GAREM1: variants seen among roughly 807,000 people sequenced by gnomAD.
The protein encoded by GAREM1 is GRB2-associated and regulator of MAPK protein 1.
Under a neutral mutation model 71.3 loss-of-function variants are expected in GAREM1, and 26 were observed. The ratio of observed to expected loss-of-function variants is 0.36; its 90% CI spans 0.27 to 0.51. The LOEUF is 0.51. GAREM1 is among the 20% of genes least tolerant of loss of function. GAREM1 has a pLI of 0.95. For missense variants in GAREM1, 1,026 were observed against 1,103.1 expected, an observed-to-expected ratio of 0.93 and a Z score of 0.99; for synonymous variants, 440 against 433.2, an observed-to-expected ratio of 1.02 and a Z score of -0.20.
At position 32,413,215 on chromosome 18, in the gene GAREM1, G is replaced by A. The variant is rs1031988503; in HGVS notation, c.122-20180C>T. 70 of 1,606,458 alleles carry A rather than the reference G, an allele frequency of 4.4e-5. No homozygotes were observed. In the African/African-American group the frequency reaches 4.6e-4, roughly 10 times the overall value. On this transcript the variant is annotated intron_variant, in intron 1 of 5. Coordinates refer to ENST00000269209, the MANE Select transcript of GAREM1 (RefSeq NM_001242409.2). The stretch of plus-strand genomic sequence containing the variant: ...AGAGAGACTTTAACGATGCTTCTTC[G>A]GCGGCGTCCACGGGCAGAAAGGCCA...
At chr18:32,468,090 C>T (rs547313923) in intron 1 of GAREM1, among the ~76,000 whole-genome samples, 108 of 152,174 alleles carry the variant, frequency 7.1e-4, no homozygotes, top group African/African-American at 2.4e-3. Context: ...TTGGTGTAAA[C>T]GAGGATTTCC....
chr18:32,327,883 A>G (rs558570479), intron 2 of GAREM1, among the ~76,000 whole-genome samples: 30 of 152,260 alleles, frequency 2.0e-4, no homozygotes, highest in African/African-American at 7.0e-4. Flanking sequence ...GGATGTTGAT[A>G]CCTACTTCAT....
chr18:32,306,343 T>C (rs761048543), intron 3 of GAREM1, among the ~76,000 whole-genome samples: 1 of 152,184 alleles, frequency 6.6e-6, no homozygotes, highest in Non-Finnish European at 1.5e-5. Context: ...CTCAGAGCTC[T>C]TCTCCTTTTA....
chr18:32,326,911 C>T (rs2047479874), intron 2 of GAREM1, among the ~76,000 whole-genome samples: 1 of 152,180 alleles, frequency 6.6e-6, no homozygotes, highest in Non-Finnish European at 1.5e-5. Context: ...GTTATGTAAA[C>T]AGGGCTGCTT....
rs2048573906 is a variant in GAREM1, at chr18:32,426,228, C to T, written c.122-33193G>A. ...AGAGATGGGGTTTCACCGTGTTAGC[C>T]CAGGATAGTCTCGGTCTCCTGACCT... is the stretch of plus-strand genomic sequence containing the variant. On this transcript the variant is annotated intron_variant, in intron 1 of 5. Coordinates refer to ENST00000269209, the MANE Select transcript of GAREM1 (RefSeq NM_001242409.2). 2.0e-5 allele frequency among the ~76,000 whole-genome samples: 3 copies of T among 151,976 alleles called. No homozygotes were observed. In the South Asian group the frequency reaches 6.3e-4, roughly 32 times the overall value.
At chr18:32,404,875 C>T (rs1002454965) in intron 1 of GAREM1, among the ~76,000 whole-genome samples, 2 of 152,150 alleles carry the variant, frequency 1.3e-5, no homozygotes, top group Non-Finnish European at 2.9e-5. Context: ...TAATAAGAAT[C>T]AGATTGGCTG....
In GAREM1 at chr18:32,426,131, G is replaced by A. The variant is rs562507457; in HGVS notation, c.122-33096C>T. On this transcript the variant is annotated intron_variant, in intron 1 of 5. Coordinates refer to ENST00000269209, the MANE Select transcript of GAREM1 (RefSeq NM_001242409.2). The stretch of plus-strand genomic sequence containing the variant: ...CCTCCCAGGTTCGAGCAATTCTCCC[G>A]CCTCAGCCTCCCGAGTAGCTGGGAT... Among the ~76,000 whole-genome samples the A allele has an allele frequency of 2.4e-4, 37 of 152,146 alleles. No homozygotes were observed. In the East Asian group the frequency reaches 6.0e-3, roughly 25 times the overall value.
chr18:32,297,703 A>G (rs2144493146), intron 3 of GAREM1, among the ~76,000 whole-genome samples: 1 of 152,342 alleles, frequency 6.6e-6, no homozygotes, highest in East Asian at 1.9e-4. Context: ...AAAGGATGTG[A>G]ACATATGGAA....
At chr18:32,300,431 T>G (rs1334089126) in intron 3 of GAREM1, among the ~76,000 whole-genome samples, 1 of 152,222 alleles carries the variant, frequency 6.6e-6, no homozygotes, top group Non-Finnish European at 1.5e-5. Flanking sequence ...ACTACTAGCT[T>G]GTATTATTTT....
At chr18:32,424,410 TATG>T (rs1305911174) in intron 1 of GAREM1, among the ~76,000 whole-genome samples, 1 of 152,226 alleles carries the variant, frequency 6.6e-6, no homozygotes, top group Admixed American at 6.5e-5. Context: ...CATAGTTACT[TATG>T]ATGATAAAGT....
intron 3 of GAREM1, among the ~76,000 whole-genome samples, chr18:32,302,546 C>T (rs1055737807): frequency 2.0e-5 from 3 of 152,116 alleles, no homozygotes; most frequent in African/African-American, 4.8e-5. Flanking sequence ...GGAGGAAAAT[C>T]GTGTTATCTG....
chr18:32,464,198 G>A (rs537759871), intron 1 of GAREM1, among the ~76,000 whole-genome samples: 18 of 152,020 alleles, frequency 1.2e-4, no homozygotes, highest in Non-Finnish European at 2.2e-4. Flanking sequence ...GGCTGAAGCA[G>A]GAGAATTGCT....
At chr18:32,345,419 A>G (rs1555636469) in intron 2 of GAREM1, among the ~76,000 whole-genome samples, 1 of 152,206 alleles carries the variant, frequency 6.6e-6, no homozygotes, top group Non-Finnish European at 1.5e-5. Flanking sequence ...TGACAGAAAC[A>G]TCATTCAATG....
chr18:32,305,615 G>A (rs1191391560), intron 3 of GAREM1, among the ~76,000 whole-genome samples: 1 of 152,150 alleles, frequency 6.6e-6, no homozygotes, highest in African/African-American at 2.4e-5. Flanking sequence ...TGCCTCCCAA[G>A]TTCAAGTAAT....
intron 4 of GAREM1, among the ~76,000 whole-genome samples, chr18:32,272,326 ATT>A (rs2041474414): frequency 6.6e-6 from 1 of 152,154 alleles, no homozygotes; most frequent in African/African-American, 2.4e-5. Context: ...TATCAACTGC[ATT>A]TCTTCCCGGG....
At chr18:32,464,655 C>T (rs565969589) in intron 1 of GAREM1, among the ~76,000 whole-genome samples, 1 of 152,314 alleles carries the variant, frequency 6.6e-6, no homozygotes, top group East Asian at 1.9e-4. Context: ...CAAAACGAAA[C>T]ACACTCAAGT....
intron 2 of GAREM1, among the ~76,000 whole-genome samples, chr18:32,327,071 A>C (rs2047481431): frequency 6.6e-6 from 1 of 152,242 alleles, no homozygotes; most frequent in Non-Finnish European, 1.5e-5. Flanking sequence ...AACAGGAATC[A>C]CTGGGAGAAA....
intron 1 of GAREM1, among the ~76,000 whole-genome samples, chr18:32,448,914 C>T (rs1380085): frequency 0.39 from 59,050 of 151,934 alleles, 14,369 homozygotes; most frequent in African/African-American, 0.69. Context: ...ATTTCAATAG[C>T]GGGATCAGAC....
intron 2 of GAREM1, among the ~76,000 whole-genome samples, chr18:32,321,013 A>G (rs1049947541): frequency 1.3e-5 from 2 of 152,136 alleles, no homozygotes; most frequent in African/African-American, 4.8e-5. Flanking sequence ...TTTGATTCTC[A>G]TCACTTTGTA....
Sources: allele counts gnomAD v4.1 joint callset (sites outside exome capture counted in the v4.1 genomes callset), GRCh38; gene constraint gnomAD v4.1.1; transcripts MANE v1.5; gene names NCBI Gene and HGNC (gene_info 2026-07-23, HGNC 2026-07-21).